Variants in SPG7 observed in about 807,000 individuals in gnomAD.
SPG7 encodes SPG7 matrix AAA peptidase subunit, paraplegin.
SPG7 carries 103 observed loss-of-function variants against 81.9 expected under a neutral mutation model. The ratio of observed to expected loss-of-function variants is 1.26; its 90% CI spans 1.07 to 1.48. The LOEUF (loss-of-function observed/expected upper bound fraction) is 1.48, where lower values mean the gene tolerates loss of function less well. Ranked by LOEUF, SPG7 falls within the 40% of genes most tolerant of loss-of-function variation. The pLI, the probability that SPG7 is intolerant of heterozygous loss-of-function variation, is 0.00. For synonymous variants in SPG7, 534 were observed against 444.2 expected, an observed-to-expected ratio of 1.20 and a Z score of -2.54; for missense variants, 1,241 against 1,087.3, an observed-to-expected ratio of 1.14 and a Z score of -1.99.
At chr16:89,550,329 C>T (rs2058620303) in intron 12 of SPG7, 165 bp from the exon 13 acceptor site, 2 of 629,676 alleles carry the variant, frequency 3.2e-6, no homozygotes, top group Admixed American at 4.3e-5. Flanking sequence ...CCCGCCATCA[C>T]ACCTAGCTAA....
At chr16:89,537,816 C>T (rs2058446452) in intron 9 of SPG7, 2 of 972,292 alleles carry the variant, frequency 2.1e-6, no homozygotes, top group Non-Finnish European at 2.4e-6. Context: ...TGGTCCTGGT[C>T]CCAGTGTGAC....
intron 10 of SPG7, chr16:89,545,032 G>A: frequency 1.9e-6 from 1 of 536,920 alleles, no homozygotes; most frequent in Non-Finnish European, 3.4e-6. Flanking sequence ...ACTGCTCGGG[G>A]TTTTGCAGTT....
intron 1 of SPG7, 150 bp from the exon 2 acceptor site, chr16:89,510,340 T>G: frequency 1.5e-6 from 1 of 646,876 alleles, no homozygotes; most frequent in Non-Finnish European, 2.7e-6. Flanking sequence ...CTTTGACCTA[T>G]TGCTCAGACT....
chr16:89,512,420 A>G (rs919165896), intron 2 of SPG7, among the ~76,000 whole-genome samples: 10 of 150,226 alleles, frequency 6.7e-5, no homozygotes, highest in African/African-American at 2.0e-4. Context: ...GGTTCAAGCA[A>G]TTCTGCCTCA....
intron 3 of SPG7, chr16:89,522,457 G>A (rs1175627857): frequency 1.3e-5 from 2 of 152,400 alleles, no homozygotes; most frequent in African/African-American, 4.8e-5. Flanking sequence ...TTGTCCGCAG[G>A]CGCAGGTGTT....
chr16:89,509,061 TG>T lies in SPG7; in HGVS notation c.183+462del, dbSNP rs1223838550. Reference sequence around the variant, plus strand: ...AAAATACCCTGTAGCTGCATTTTGCTGTTGTCATGTAGCTCGGCACGTTATT... The same window carrying T: ...AAAATACCCTGTAGCTGCATTTTGCTTTGTCATGTAGCTCGGCACGTTATT... On this transcript the variant is annotated intron_variant, in intron 1 of 16. Coordinates refer to ENST00000645818, the MANE Select transcript of SPG7 (RefSeq NM_003119.4). The T allele has an allele frequency of 9.5e-6, 4 of 422,282 alleles. No homozygotes were observed. In the East Asian group the frequency reaches 2.8e-4, roughly 30 times the overall value. The allele number at this position is 422,282 out of a possible 1,614,324, so 26.2% of individuals were successfully genotyped here.
At chr16:89,530,278 G>C (rs2058323648) in intron 6 of SPG7, 3 of 336,452 alleles carry the variant, frequency 8.9e-6, no homozygotes, top group Non-Finnish European at 1.7e-5. Context: ...CCAAGTAGCT[G>C]TGACTACAGG....
intron 10 of SPG7, chr16:89,545,307 A>G: frequency 4.3e-6 from 1 of 232,684 alleles, no homozygotes; most frequent in South Asian, 5.8e-5. Flanking sequence ...TCCTGGCCAA[A>G]GGGCCTTTGT....
chr16:89,541,085 A>G (rs1255034502), intron 9 of SPG7: 6 of 984,974 alleles, frequency 6.1e-6, no homozygotes, highest in East Asian at 2.3e-4. Flanking sequence ...GTGTATCCTT[A>G]TCACGGTGTT....
intron 3 of SPG7, chr16:89,520,251 A>C (rs12924902): frequency 0.58 from 88,058 of 153,130 alleles, 26,739 homozygotes; most frequent in Middle Eastern, 0.82. Flanking sequence ...GCGTGGCGGG[A>C]AGAGGTGCAT....
rs1567914242 is a variant in SPG7 at position 89,532,018 on chromosome 16, G to GT, written c.1103dup (p.Pro369AlafsTer27). 6.2e-7 allele frequency: 1 copy of GT among 1,613,778 alleles called. No homozygotes were observed. Among genetic ancestry groups the GT allele is most frequent in the Admixed American group, 1.7e-5 (1 of 60,026 alleles). On this transcript the variant is annotated frameshift_variant, in exon 8 of 17. Transcript: ENST00000645818. LOFTEE classifies it high-confidence loss of function. ...CAAGGCGGTGGCCACGGAGGCTCAG[G>GT]TGCCCTTCCTGGCGATGGCCGGCCC...
intron 7 of SPG7, chr16:89,531,147 C>T (rs1172038559): frequency 1.4e-5 from 6 of 415,554 alleles, no homozygotes; most frequent in East Asian, 1.1e-4. Context: ...CTGCCTATCA[C>T]GTGCGTCACT....
At chr16:89,514,129 C>T (rs898642279) in intron 3 of SPG7, among the ~76,000 whole-genome samples, 2 of 151,968 alleles carry the variant, frequency 1.3e-5, no homozygotes, top group East Asian at 3.9e-4. Context: ...TCAGTTTAGG[C>T]GTTTCTGGCT....
At position 89,538,490 on chromosome 16, in the gene SPG7, C is replaced by G. The variant is rs936316603; in HGVS notation, c.1324+5854C>G. ...CAGTGTGGCTTATTCCCCGGGTGGA[C>G]GAGGAGCCCTGGGCTTCTGGGCTCC... On this transcript the variant is annotated intron_variant, in intron 9 of 16. Transcript: ENST00000645818. The G allele has an allele frequency of 7.9e-5, 12 of 151,256 alleles. 1 individual carries two copies. Among genetic ancestry groups the G allele is most frequent in the Admixed American group, 7.9e-4 (12 of 15,200 alleles). The allele number at this position is 151,256 out of a possible 1,614,324, so 9.4% of individuals were successfully genotyped here.
At chr16:89,508,759 C>T (rs1001637718) in intron 1 of SPG7, 159 bp downstream of exon 1, 44 of 840,430 alleles carry the variant, frequency 5.2e-5, no homozygotes, top group Non-Finnish European at 7.8e-5. Context: ...CGCGGAGCGA[C>T]TGTTGGGGCC....
intron 16 of SPG7, 183 bp downstream of exon 16, chr16:89,554,746 T>C (rs928262960): frequency 1.6e-6 from 1 of 607,114 alleles, no homozygotes; most frequent in African/African-American, 1.8e-5. Flanking sequence ...CCTGAACTCG[T>C]CAAGTGTGTT....
At chr16:89,531,728 A>G in intron 7 of SPG7, 176 bp from the exon 8 acceptor site, 1 of 664,412 alleles carries the variant, frequency 1.5e-6, no homozygotes, top group East Asian at 2.7e-5. Flanking sequence ...GTATATTCCC[A>G]GCTACTCGAG....
intron 9 of SPG7, chr16:89,538,709 G>C (rs2058459866): frequency 6.6e-6 from 1 of 152,462 alleles, no homozygotes; most frequent in Non-Finnish European, 1.5e-5. Flanking sequence ...CTTGCTCCCT[G>C]TGGTGCTGCC....
At chr16:89,530,578 G>C (rs1453200958) in intron 6 of SPG7, 105 bp from the exon 7 acceptor site, 8 of 1,288,452 alleles carry the variant, frequency 6.2e-6, no homozygotes, top group Non-Finnish European at 9.0e-6. Context: ...TCCTAGGATG[G>C]AGACGTGGGG....
Sources: gnomAD v4.1 joint callset for allele counts (sites outside exome capture counted in the v4.1 genomes callset) on GRCh38, gnomAD v4.1.1 for gene constraint, MANE v1.5 for transcripts, NCBI Gene and HGNC (gene_info 2026-07-23, HGNC 2026-07-21) for gene names.